RAE1: variants seen among roughly 807,000 people sequenced by gnomAD.
The protein encoded by RAE1 is ribonucleic acid export 1, also known as mRNA export factor RAE1.
RAE1 carries 13 observed loss-of-function variants against 52.7 expected under a neutral mutation model. That is an observed-to-expected ratio of 0.25 (90% CI 0.16 to 0.39). RAE1 has a LOEUF of 0.39. Among genes scored for constraint, RAE1 ranks in the 10% least tolerant of loss-of-function variants. RAE1 has a pLI of 1.00. For missense variants in RAE1, 262 were observed against 459.8 expected, an observed-to-expected ratio of 0.57 and a Z score of 3.93; for synonymous variants, 164 against 153.1, an observed-to-expected ratio of 1.07 and a Z score of -0.52.
intron 4 of RAE1, chr20:57,359,836 AAT>A (rs1165776455): frequency 1.3e-5 from 2 of 152,238 alleles, no homozygotes; most frequent in Non-Finnish European, 2.9e-5. Flanking sequence ...TTTAGTCCTC[AAT>A]ACAGTTCTTT....
At position 57,378,263 on chromosome 20, in the gene RAE1, G is replaced by A; in HGVS notation, c.*164G>A. On this transcript the variant is annotated 3_prime_UTR_variant, in exon 12 of 12. Transcript: ENST00000395841. ...GCAGCTGAGAGCCCAGGCGTCCGCG[G>A]CGACTTGCCGTCTCTCCATTCCACT... 1 of 581,544 alleles carries A rather than the reference G, an allele frequency of 1.7e-6. No homozygotes were observed. 36.0% of individuals were successfully genotyped at this position (581,544 alleles called of 1,614,324 possible). A position where few individuals can be genotyped will look rare whatever the true frequency, so the allele number is the denominator to read the frequency against.
intron 8 of RAE1, 57 bp downstream of exon 8, chr20:57,368,869 G>A (rs535261844): frequency 4.3e-6 from 6 of 1,379,846 alleles, no homozygotes; most frequent in South Asian, 3.6e-5. Flanking sequence ...ATGCAAGATT[G>A]TGCTCACATC....
chr20:57,365,282 G>A lies in RAE1; in HGVS notation c.289-74G>A, dbSNP rs536100287. 41 of 1,091,134 alleles carry A rather than the reference G, an allele frequency of 3.8e-5. No homozygotes were observed. The African/African-American group carries it at 5.3e-4, about 14-fold the overall frequency. The allele number at this position is 1,091,134 out of a possible 1,614,324, so 67.6% of individuals were successfully genotyped here. ...CAAAGTTTGCCTCAATATGTTCAAC[G>A]TAGTATCTAAATATATATATAGTTA... On this transcript the variant is annotated intron_variant, in intron 4 of 11. Coordinates refer to ENST00000395841, the MANE Select transcript of RAE1 (RefSeq NM_003610.4).
At chr20:57,358,857 A>G (rs1001698880) in intron 4 of RAE1, 5 of 890,270 alleles carry the variant, frequency 5.6e-6, no homozygotes, top group Non-Finnish European at 1.5e-6. Context: ...AGGTCACCCC[A>G]ACCAAAATTT....
At chr20:57,373,790 G>C (rs1245386974) in intron 10 of RAE1, 52 bp downstream of exon 10, 2 of 1,542,156 alleles carry the variant, frequency 1.3e-6, no homozygotes, top group Non-Finnish European at 1.8e-6. Context: ...ACCAGACTTG[G>C]AGGTGGCTGA....
intron 3 of RAE1, 122 bp downstream of exon 3, chr20:57,354,938 A>G (rs1450956547): frequency 1.5e-6 from 1 of 679,326 alleles, no homozygotes; most frequent in African/African-American, 1.9e-5. Flanking sequence ...CTTTTTTGAG[A>G]AATCAATTTA....
intron 4 of RAE1, among the ~76,000 whole-genome samples, chr20:57,360,384 G>C (rs751513504): frequency 6.6e-6 from 1 of 152,162 alleles, no homozygotes; most frequent in Admixed American, 6.5e-5. Flanking sequence ...AACCTTTTTA[G>C]GGTTTGCTGC....
chr20:57,353,646 T>A (rs2066743523), intron 1 of RAE1, among the ~76,000 whole-genome samples: 1 of 152,278 alleles, frequency 6.6e-6, no homozygotes, highest in South Asian at 2.1e-4. Flanking sequence ...TCTTGTTTAC[T>A]GTTATATTCC....
chr20:57,356,517 G>T lies in RAE1; in HGVS notation c.267G>T (p.Val89=). ...PKAQQMHTGP[V]LDVCWSDDGS... The stretch of plus-strand genomic sequence containing the variant: ...CCCAGCAGATGCACACTGGGCCTGT[G>T]CTTGATGTCTGCTGGAGTGACGTAC... The change falls in exon 4 of 12, where the codon GTG becomes GTT. Residue 89 remains valine, a synonymous_variant. Transcript: ENST00000395841. The T allele has an allele frequency of 1.2e-6, 2 of 1,612,816 alleles. No homozygotes were observed. Among genetic ancestry groups the T allele is most frequent in the Non-Finnish European group, 1.7e-6 (2 of 1,179,052 alleles).
intron 1 of RAE1, chr20:57,352,022 C>G: frequency 1.0e-6 from 1 of 961,386 alleles, no homozygotes; most frequent in Non-Finnish European, 1.2e-6. Context: ...CTCTTGGAGC[C>G]AGCATTCTGG....
chr20:57,358,909 A>G, intron 4 of RAE1: 2 of 1,329,226 alleles, frequency 1.5e-6, no homozygotes, highest in South Asian at 3.7e-5. Context: ...GGCTTGTTGG[A>G]GTTTTTATTT....
At chr20:57,366,300 A>G (rs1382844683) in intron 5 of RAE1, among the ~76,000 whole-genome samples, 1 of 152,210 alleles carries the variant, frequency 6.6e-6, no homozygotes, top group Non-Finnish European at 1.5e-5. Context: ...GCATTGCTAT[A>G]AAGAAATACC....
At chr20:57,373,318 AG>A in intron 8 of RAE1, 156 bp from the exon 9 acceptor site, 1 of 661,274 alleles carries the variant, frequency 1.5e-6, no homozygotes, top group Non-Finnish European at 2.6e-6. Flanking sequence ...GGAGTTACTA[AG>A]GAGTTAGAAA....
chr20:57,370,100 A>G (rs1194805813), intron 8 of RAE1, among the ~76,000 whole-genome samples: 2 of 152,036 alleles, frequency 1.3e-5, no homozygotes, highest in East Asian at 3.9e-4. Context: ...TGATCCCCAC[A>G]TCCTCCTCCA....
intron 8 of RAE1, chr20:57,371,298 A>G (rs1441072128): frequency 6.6e-6 from 1 of 152,244 alleles, no homozygotes; most frequent in Non-Finnish European, 1.5e-5. Context: ...AATGGGAGAA[A>G]ACATCTGGAG....
intron 1 of RAE1, among the ~76,000 whole-genome samples, chr20:57,352,292 A>C (rs150861985): frequency 6.6e-6 from 1 of 152,190 alleles, no homozygotes; most frequent in Non-Finnish European, 1.5e-5. Context: ...GGAGGAGGCA[A>C]CTTTTGAACT....
intron 11 of RAE1, among the ~76,000 whole-genome samples, chr20:57,376,310 C>G (rs971310955): frequency 6.6e-6 from 1 of 152,206 alleles, no homozygotes; most frequent in African/African-American, 2.4e-5. Context: ...ACAATTTGAT[C>G]AGTTTCAACA....
At chr20:57,372,069 A>G (rs953847929) in intron 8 of RAE1, 1 of 152,160 alleles carries the variant, frequency 6.6e-6, no homozygotes, top group Non-Finnish European at 1.5e-5. Flanking sequence ...ATTAAACAAG[A>G]TGAGAATGTT....
Position 57,361,378 on chromosome 20 carries a change from A to G in RAE1, c.289-3978A>G, listed in dbSNP as rs952112677. ...TAGAAAATTACATCAATCGAGGGGT[A>G]GCTGTTGGGGTGTTCGTGGTTAAAA... On this transcript the variant is annotated intron_variant, in intron 4 of 11. Coordinates refer to ENST00000395841, the MANE Select transcript of RAE1 (RefSeq NM_003610.4). Among the ~76,000 whole-genome samples the G allele has an allele frequency of 3.2e-4, 48 of 152,088 alleles. 1 individual carries two copies.
Sources: gnomAD v4.1 joint callset for allele counts (sites outside exome capture counted in the v4.1 genomes callset) on GRCh38, gnomAD v4.1.1 for gene constraint, MANE v1.5 for transcripts, NCBI Gene and HGNC (gene_info 2026-07-23, HGNC 2026-07-21) for gene names.